The following BTBD2 variants were observed in gnomAD, a reference collection of about 807,000 sequenced individuals.
BTBD2 encodes the protein BTB domain containing 2.
A neutral mutation model predicts 44.0 loss-of-function variants in BTBD2; 15 were observed. That is an observed-to-expected ratio of 0.34 (90% confidence interval 0.23 to 0.53). The LOEUF (loss-of-function observed/expected upper bound fraction) is 0.53, where lower values mean the gene tolerates loss of function less well. Among genes scored for constraint, BTBD2 ranks in the 20% least tolerant of loss-of-function variants. The pLI is 0.95. For synonymous variants in BTBD2, 443 were observed against 335.9 expected (o/e 1.32, Z -3.49); for missense variants, 657 against 746.4 (o/e 0.88, Z 1.39).
chr19:1,999,083 G>C (rs948346756), intron 1 of BTBD2, among the ~76,000 whole-genome samples: 5 of 152,068 alleles, frequency 3.3e-5, no homozygotes, highest in Admixed American at 6.6e-5. Flanking sequence ...CAGCTCCCGG[G>C]AAAGCCCCCG....
intron 1 of BTBD2, among the ~76,000 whole-genome samples, chr19:2,008,075 G>A (rs1436069353): frequency 6.6e-6 from 1 of 151,690 alleles, no homozygotes; most frequent in African/African-American, 2.4e-5. Flanking sequence ...CACGATCTCA[G>A]CTCACTGCAA....
In BTBD2 at chr19:1,986,318, G is replaced by C; in HGVS notation, c.*170C>G. 1 of 829,952 alleles carries C rather than the reference G, an allele frequency of 1.2e-6. No individual in the cohort carries two copies. Among genetic ancestry groups the C allele is most frequent in the Non-Finnish European group, 1.9e-6 (1 of 536,382 alleles). The allele number at this position is 829,952 out of a possible 1,614,324, so 51.4% of individuals were successfully genotyped here. ...CCCTGATCCAGCAGCCACACTCGTG[G>C]TGAACACAGGGCAACCCCGTCCTGA... On this transcript the variant is annotated 3_prime_UTR_variant, in exon 9 of 9. Transcript: ENST00000255608.
At chr19:2,001,795 T>C (rs939305089) in intron 1 of BTBD2, among the ~76,000 whole-genome samples, 27 of 152,182 alleles carry the variant, frequency 1.8e-4, no homozygotes, top group Non-Finnish European at 3.4e-4. Flanking sequence ...TGGAGTGCAG[T>C]GGCGCAATCT....
intron 1 of BTBD2, among the ~76,000 whole-genome samples, chr19:2,004,673 C>A (rs1008662861): frequency 1.2e-4 from 17 of 139,708 alleles, no homozygotes; most frequent in African/African-American, 3.7e-4. Context: ...TTCATATATA[C>A]CCCCTGAGTC....
chr19:1,997,559 G>C (rs2016268110), intron 1 of BTBD2, 96 bp from the exon 2 acceptor site: 1 of 1,540,808 alleles, frequency 6.5e-7, no homozygotes, highest in Non-Finnish European at 8.8e-7. Context: ...CCCCACTAGG[G>C]CTCCCTGCCA....
At chr19:1,986,675 G>C (rs779560045) in intron 8 of BTBD2, 26 bp from the exon 9 acceptor site, 1 of 1,608,710 alleles carries the variant, frequency 6.2e-7, no homozygotes, top group Admixed American at 1.7e-5. Context: ...GTACAGTGAG[G>C]TCAAGGACCA....
chr19:1,999,122 T>G (rs1339250327), intron 1 of BTBD2, among the ~76,000 whole-genome samples: 5 of 151,910 alleles, frequency 3.3e-5, no homozygotes, highest in Non-Finnish European at 7.4e-5. Context: ...CTCGCTCTCC[T>G]CCCACCACAC....
chr19:1,986,476 G>A lies in BTBD2; in HGVS notation c.*12C>T. On this transcript the variant is annotated 3_prime_UTR_variant, in exon 9 of 9. Transcript: ENST00000255608. ...TCCCCACGGAGGGAGGGCGGTGTCG[G>A]TGTCGGGCAGCCTAGGTGTAGAAGA... is the stretch of plus-strand genomic sequence containing the variant. 6.2e-7 allele frequency: 1 copy of A among 1,611,702 alleles called. No homozygotes were observed. Among genetic ancestry groups the A allele is most frequent in the Non-Finnish European group, 8.5e-7 (1 of 1,178,158 alleles).
In BTBD2 at chr19:1,986,983, G is replaced by A. The variant is rs760311435; in HGVS notation, c.1270-7C>T. ...TGCTATCGGTGTGAATAATCTGCGGGGAGGTGGGAAGTGGGAGGCTCAGGC... is the reference window on the plus strand; with the variant it reads ...TGCTATCGGTGTGAATAATCTGCGGAGAGGTGGGAAGTGGGAGGCTCAGGC... On this transcript the variant is annotated splice_region_variant and splice_polypyrimidine_tract_variant and intron_variant, in intron 7 of 8. Coordinates refer to ENST00000255608, the MANE Select transcript of BTBD2 (RefSeq NM_017797.4). The A allele has an allele frequency of 3.7e-6, 6 of 1,610,112 alleles. No individual in the cohort carries two copies. In the South Asian group the frequency reaches 6.6e-5, roughly 18 times the overall value.
In BTBD2 at chr19:1,987,663, G is replaced by A. The variant is rs757902619; in HGVS notation, c.1018C>T (p.Arg340Cys). The A allele has an allele frequency of 1.1e-5, 17 of 1,608,500 alleles. No homozygotes were observed. Among genetic ancestry groups the A allele is most frequent in the Middle Eastern group, 1.7e-4 (1 of 6,058 alleles). Reference sequence around the variant, plus strand: ...TGCAGGAAGAGGCTGACCACCTCGCGGTCCACCAGGATGCCCGACTGTGCG... The same window carrying A: ...TGCAGGAAGAGGCTGACCACCTCGCAGTCCACCAGGATGCCCGACTGTGCG... ...GPAQSGILVDREVVSLFLHFT... is the reference protein window; with the variant it reads ...GPAQSGILVDCEVVSLFLHFT... The change falls in exon 6 of 9, where the codon CGC becomes TGC. Residue 340 changes from arginine (R) to cysteine (C), a missense_variant. This residue lies in a region of BTBD2 where 449 missense variants were observed against 510.9 expected (regional missense o/e 0.88). Transcript: ENST00000255608.
chr19:2,007,931 T>C (rs1300378489), intron 1 of BTBD2, among the ~76,000 whole-genome samples: 1 of 152,112 alleles, frequency 6.6e-6, no homozygotes, highest in African/African-American at 2.4e-5. Flanking sequence ...AGTGAGTATC[T>C]GTAGGGTGGA....
intron 1 of BTBD2, among the ~76,000 whole-genome samples, chr19:2,007,430 C>T (rs2016408379): frequency 6.6e-6 from 1 of 152,216 alleles, no homozygotes; most frequent in Admixed American, 6.6e-5. Flanking sequence ...TCTGACCCTT[C>T]ACATGAATTT....
chr19:1,987,217 A>G lies in BTBD2; in HGVS notation c.1218T>C (p.Phe406=). Residue 406 remains phenylalanine (F), a synonymous_variant, in exon 7 of 9, where the codon TTT becomes TTC. Transcript: ENST00000255608. ...SVNKRIFVVG[F]GLYGSIHGPT... is the part of the protein sequence containing the mutation. ...GCCCGTGGATGGATCCATACAGCCC[A>G]AATCCCACCACGAAGATGCGCTTGT... The G allele has an allele frequency of 3.7e-6, 6 of 1,613,822 alleles. No individual in the cohort carries two copies. Among genetic ancestry groups the G allele is most frequent in the Non-Finnish European group, 5.1e-6 (6 of 1,179,852 alleles).
intron 1 of BTBD2, among the ~76,000 whole-genome samples, chr19:1,999,869 G>A (rs1408852250): frequency 6.6e-6 from 1 of 151,472 alleles, no homozygotes; most frequent in Non-Finnish European, 1.5e-5. Flanking sequence ...GGCTGAGGCA[G>A]GAGAATTGCT....
chr19:2,007,947 G>A (rs540697927), intron 1 of BTBD2, among the ~76,000 whole-genome samples: 1 of 152,032 alleles, frequency 6.6e-6, no homozygotes, highest in Non-Finnish European at 1.5e-5. Context: ...GTGGACAGAT[G>A]GGTGGATGTG....
chr19:1,987,678 C>T lies in BTBD2; in HGVS notation c.1003G>A (p.Gly335Ser). 4 of 1,603,706 alleles carry T rather than the reference C, an allele frequency of 2.5e-6. No homozygotes were observed. Among genetic ancestry groups the T allele is most frequent in the Non-Finnish European group, 3.4e-6 (4 of 1,174,748 alleles). The change falls in exon 6 of 9, where the codon GGC (glycine) becomes AGC (serine). Residue 335 changes from glycine to serine, a missense_variant. Physicochemically the swap from Gly to Ser is moderately conservative, Grantham distance 56. This residue lies in a region of BTBD2 where 449 missense variants were observed against 510.9 expected (regional missense o/e 0.88). Coordinates refer to ENST00000255608, the MANE Select transcript of BTBD2 (RefSeq NM_017797.4). ...EEFAAGPAQS[G>S]ILVDREVVSL... Reference sequence around the variant, plus strand: ...ACCACCTCGCGGTCCACCAGGATGCCCGACTGTGCGGGACCTGCAGCACAG... The same window carrying T: ...ACCACCTCGCGGTCCACCAGGATGCTCGACTGTGCGGGACCTGCAGCACAG...
rs113983917 is a variant in BTBD2, at chr19:1,986,823, G to T, written c.1416+7C>A. The T allele has an allele frequency of 1.1e-3, 1,708 of 1,600,452 alleles. 13 individuals carry two copies. The African/African-American group carries it at 0.019, about 18-fold the overall frequency. On this transcript the variant is annotated splice_region_variant and intron_variant, in intron 8 of 8. Coordinates refer to ENST00000255608, the MANE Select transcript of BTBD2 (RefSeq NM_017797.4). The stretch of plus-strand genomic sequence containing the variant: ...CCACGGAGGGACCCCTGTCCCCGGC[G>T]GCGCACCTTGAGCGTGGCACAGGCC...
intron 2 of BTBD2, among the ~76,000 whole-genome samples, chr19:1,995,427 G>A (rs985573047): frequency 3.3e-5 from 5 of 150,788 alleles, no homozygotes; most frequent in African/African-American, 7.3e-5. Context: ...GACTACAGGC[G>A]CCTGCCACCA....
chr19:1,990,855 G>A, intron 3 of BTBD2, 33 bp from the exon 4 acceptor site: 1 of 1,517,406 alleles, frequency 6.6e-7, no homozygotes, highest in Non-Finnish European at 8.9e-7. Context: ...GGCGCGGTGG[G>A]GACATCAGCA....
Sources: allele counts gnomAD v4.1 joint callset (sites outside exome capture counted in the v4.1 genomes callset), GRCh38; gene constraint gnomAD v4.1.1; regional missense constraint gnomAD v4.1.1; transcripts MANE v1.5; gene names NCBI Gene and HGNC (gene_info 2026-07-23, HGNC 2026-07-21).